The following LAMA3 variants were observed in gnomAD, a reference collection of about 807,000 sequenced individuals.
The protein encoded by LAMA3 is laminin subunit alpha 3, also known as laminin subunit alpha-3.
In LAMA3, 281 loss-of-function variants were observed where a neutral mutation model predicts 402.0. The observed-to-expected ratio is 0.70, with a 90% CI of 0.63 to 0.77. LAMA3 has a LOEUF of 0.77. Among genes scored for constraint, LAMA3 ranks in the 30% least tolerant of loss-of-function variants. The pLI is 0.00. For synonymous variants in LAMA3, 1,431 were observed against 1,558.4 expected (o/e 0.92, Z 1.93); for missense variants, 3,840 against 4,215.5 (o/e 0.91, Z 2.47).
Position 23,889,351 on chromosome 18 carries a change from C to A in LAMA3, c.5304-660C>A, listed in dbSNP as rs191070303. Among the ~76,000 whole-genome samples, 287 of 152,148 alleles carry A rather than the reference C, an allele frequency of 1.9e-3. 2 individuals are homozygous for A. The highest frequency in any genetic ancestry group is 6.6e-3 in the African/African-American group (272 of 41,510). On this transcript the variant is annotated intron_variant, in intron 41 of 74. Transcript: ENST00000313654. ...CTGAGGCAGAAGGATTGCTTGAGCC[C>A]AGAAGTTCAAGACCAGTCTGGGCAA...
In LAMA3 at chr18:23,747,971, A is replaced by G; in HGVS notation, c.476A>G (p.Lys159Arg). 1 of 1,610,442 alleles carries G rather than the reference A, an allele frequency of 6.2e-7. No homozygotes were observed. Among genetic ancestry groups the G allele is most frequent in the Non-Finnish European group, 8.5e-7 (1 of 1,176,726 alleles). The change falls in exon 3 of 75, where the codon AAA becomes AGA. Residue 159 changes from lysine (K) to arginine (R), a missense_variant. Lys to Arg is a conservative substitution (Grantham distance 26). Around this residue, in one of 3 missense-constraint regions of LAMA3, gnomAD observed 2,109 missense variants for 2,376.0 expected, o/e 0.89. Transcript: ENST00000313654. ...QLFHVAYILI[K>R]FANSPRPDLW... ...TTCCATGTGGCCTATATTTTAATCA[A>G]ATTTGCAAATTCTCCTCGCCCTGAT...
At chr18:23,890,733 T>C (rs577205439) in intron 42 of LAMA3, among the ~76,000 whole-genome samples, 3 of 152,318 alleles carry the variant, frequency 2.0e-5, no homozygotes, top group South Asian at 4.1e-4. Flanking sequence ...AAATCTTTCA[T>C]CTTATATTTA....
At chr18:23,950,193 G>A in intron 72 of LAMA3, 34 bp downstream of exon 72, 1 of 1,613,204 alleles carries the variant, frequency 6.2e-7, no homozygotes, top group Non-Finnish European at 8.5e-7. Flanking sequence ...GGGAGGGTCT[G>A]TAGAAACCAG....
rs374729988 is a variant in LAMA3 at position 23,763,516 on chromosome 18, A to G, written c.1175A>G (p.Asn392Ser). 5.4e-5 allele frequency: 85 copies of G among 1,586,426 alleles called. No individual in the cohort carries two copies. Among genetic ancestry groups the G allele is most frequent in the Non-Finnish European group, 6.8e-5 (78 of 1,154,868 alleles). The part of the protein sequence containing the change: ...GIYAGGGVCI[N>S]CQHNTAGVNC... ...TATGCTGGTGGAGGGGTCTGCATTA[A>G]CTGTCAGGTGAGGCACTATTTAAAT... The change falls in exon 8 of 75, where the codon AAC becomes AGC. Residue 392 changes from asparagine (N) to serine (S), a missense_variant. Transcript: ENST00000313654.
At chr18:23,892,305 T>C (rs753230777) in intron 42 of LAMA3, among the ~76,000 whole-genome samples, 11 of 152,176 alleles carry the variant, frequency 7.2e-5, no homozygotes, top group Non-Finnish European at 1.3e-4. Flanking sequence ...GGATAGTAAC[T>C]ATTTGTTCCC....
At chr18:23,733,150 G>C (rs1167584217) in intron 2 of LAMA3, among the ~76,000 whole-genome samples, 31 of 152,060 alleles carry the variant, frequency 2.0e-4, no homozygotes, top group Non-Finnish European at 2.9e-5. Context: ...GGCTTCTGGG[G>C]TTTCACATGC....
intron 41 of LAMA3, among the ~76,000 whole-genome samples, chr18:23,887,427 A>C (rs193015444): frequency 3.9e-4 from 59 of 152,342 alleles, no homozygotes; most frequent in Non-Finnish European, 7.9e-4. Context: ...AGCATTAAAC[A>C]GCAACAGGCT....
chr18:23,799,301 A>G (rs984339867), intron 12 of LAMA3, among the ~76,000 whole-genome samples: 1 of 152,220 alleles, frequency 6.6e-6, no homozygotes, highest in Admixed American at 6.5e-5. Context: ...GAGCAAAAGA[A>G]AGAGCAGAAT....
chr18:23,821,497 G>A (rs2063285037), intron 19 of LAMA3, among the ~76,000 whole-genome samples: 1 of 152,234 alleles, frequency 6.6e-6, no homozygotes, highest in Non-Finnish European at 1.5e-5. Context: ...GAATTTCCAA[G>A]TTTCATGAAG....
At chr18:23,704,835 C>T (rs1365398846) in intron 1 of LAMA3, among the ~76,000 whole-genome samples, 2 of 107,666 alleles carry the variant, frequency 1.9e-5, no homozygotes, top group East Asian at 4.2e-4. Context: ...ATAGTATTTA[C>T]ATTGTGAATT....
At chr18:23,784,233 C>T in intron 12 of LAMA3, 76 bp downstream of exon 12, 1 of 1,556,100 alleles carries the variant, frequency 6.4e-7, no homozygotes, top group Non-Finnish European at 8.9e-7. Flanking sequence ...GCAGATCTTT[C>T]TGGCAGAGCT....
chr18:23,907,746 T>G lies in LAMA3; in HGVS notation c.6836-10T>G. ...AGATACTTATACCTCCCTATCTGTG[T>G]GTGCATTAGGTGATATTGATGCTAT... On this transcript the variant is annotated splice_polypyrimidine_tract_variant and intron_variant, in intron 53 of 74. Transcript: ENST00000313654. The G allele has an allele frequency of 6.2e-7, 1 of 1,614,098 alleles. No individual in the cohort carries two copies. Among genetic ancestry groups the G allele is most frequent in the South Asian group, 1.1e-5 (1 of 91,074 alleles).
At chr18:23,946,312 C>T (rs748989970) in intron 70 of LAMA3, 28 bp downstream of exon 70, 3 of 1,608,894 alleles carry the variant, frequency 1.9e-6, no homozygotes, top group Non-Finnish European at 2.6e-6. Flanking sequence ...GAGCCATGGA[C>T]AGAAACAATT....
At chr18:23,784,658 A>G (rs2062505257) in intron 12 of LAMA3, among the ~76,000 whole-genome samples, 2 of 152,110 alleles carry the variant, frequency 1.3e-5, no homozygotes, top group South Asian at 2.1e-4. Flanking sequence ...CTAGTATCCC[A>G]TCCCGGCAAG....
intron 1 of LAMA3, among the ~76,000 whole-genome samples, chr18:23,706,726 T>A (rs2060896715): frequency 6.6e-6 from 1 of 152,224 alleles, no homozygotes; most frequent in Non-Finnish European, 1.5e-5. Flanking sequence ...TTTTAAGTTC[T>A]TTGATCAGTT....
rs1348301043 is a variant in LAMA3, at chr18:23,929,819, G to GT, written c.8436+1057dup. Among the ~76,000 whole-genome samples, 53 of 152,300 alleles carry GT rather than the reference G, an allele frequency of 3.5e-4. 1 individual carries two copies. The highest frequency in any genetic ancestry group is 7.4e-5 in the Non-Finnish European group (5 of 68,012). On this transcript the variant is annotated intron_variant, in intron 64 of 74. Coordinates refer to ENST00000313654, the MANE Select transcript of LAMA3 (RefSeq NM_198129.4). ...CTAGCTCTTATGATACCTAACACTT[G>GT]TTTCCTCTGCCACGTGTAGGAACAC...
chr18:23,905,625 G>A lies in LAMA3; in HGVS notation c.6718+1G>A, dbSNP rs1271443786. ...ATGACACAAAAGAAGCTAAAGCAAG[G>A]TATTAGGGGGAGTGGGCAATGGCAG... On this transcript the variant is annotated splice_donor_variant, in intron 52 of 74. Transcript: ENST00000313654. LOFTEE classifies it high-confidence loss of function. The A allele has an allele frequency of 6.4e-7, 1 of 1,562,414 alleles. No homozygotes were observed. Among genetic ancestry groups the A allele is most frequent in the African/African-American group, 1.4e-5 (1 of 73,912 alleles).
intron 1 of LAMA3, among the ~76,000 whole-genome samples, chr18:23,696,543 C>G (rs573702586): frequency 1.3e-5 from 2 of 152,242 alleles, no homozygotes; most frequent in South Asian, 4.1e-4. Flanking sequence ...CTCTGTGGCC[C>G]AGGTTGGTGT....
At chr18:23,870,134 C>A (rs2064474516) in intron 37 of LAMA3, among the ~76,000 whole-genome samples, 1 of 152,138 alleles carries the variant, frequency 6.6e-6, no homozygotes, top group South Asian at 2.1e-4. Flanking sequence ...GAAACCCTGT[C>A]TCTACTAAAA....
Sources: gnomAD v4.1 joint callset for allele counts (sites outside exome capture counted in the v4.1 genomes callset) on GRCh38, gnomAD v4.1.1 for gene constraint, gnomAD v4.1.1 regional missense constraint, MANE v1.5 for transcripts, NCBI Gene and HGNC (gene_info 2026-07-23, HGNC 2026-07-21) for gene names.